Variants in TXNDC12 observed in about 807,000 individuals in gnomAD.
The protein encoded by TXNDC12 is thioredoxin domain-containing protein 12.
Under a neutral mutation model 24.2 loss-of-function variants are expected in TXNDC12, and 22 were observed. The ratio of observed to expected loss-of-function variants is 0.91; its 90% CI spans 0.65 to 1.30. The LOEUF (loss-of-function observed/expected upper bound fraction) is 1.30. TXNDC12 is among the 50% of genes most tolerant of loss of function. The pLI is 0.00. For missense variants in TXNDC12, 184 were observed against 205.8 expected, an observed-to-expected ratio of 0.89 and a Z score of 0.65; for synonymous variants, 58 against 73.4, an observed-to-expected ratio of 0.79 and a Z score of 1.07.
At chr1:52,042,043 A>C (rs1367659778) in intron 1 of TXNDC12, among the ~76,000 whole-genome samples, 1 of 152,210 alleles carries the variant, frequency 6.6e-6, no homozygotes, top group East Asian at 1.9e-4. Flanking sequence ...CTTGTGAGTG[A>C]AGTAAGCTCT....
chr1:52,040,784 A>G (rs938810913), intron 2 of TXNDC12, among the ~76,000 whole-genome samples: 8 of 152,090 alleles, frequency 5.3e-5, no homozygotes, highest in African/African-American at 1.9e-4. Context: ...TAATCCCAGC[A>G]CTTTGGGAGG....
intron 5 of TXNDC12, among the ~76,000 whole-genome samples, chr1:52,023,906 A>G (rs1411181052): frequency 2.0e-5 from 3 of 151,972 alleles, no homozygotes; most frequent in Non-Finnish European, 2.9e-5. Context: ...ATTCTGGCTT[A>G]TATCTGTCTC....
At chr1:52,049,218 G>C (rs545967540) in intron 1 of TXNDC12, among the ~76,000 whole-genome samples, 1 of 152,266 alleles carries the variant, frequency 6.6e-6, no homozygotes, top group Non-Finnish European at 1.5e-5. Context: ...TAAGTCTCCT[G>C]ACTCCTAATT....
At chr1:52,033,051 C>T in intron 2 of TXNDC12, 1 of 1,581,600 alleles carries the variant, frequency 6.3e-7, no homozygotes, top group Non-Finnish European at 8.6e-7. Context: ...GGGGCAACGG[C>T]TCCTCTAGGC....
chr1:52,022,892 G>T (rs1177112225), intron 6 of TXNDC12, among the ~76,000 whole-genome samples: 1 of 152,060 alleles, frequency 6.6e-6, no homozygotes, highest in Non-Finnish European at 1.5e-5. Flanking sequence ...TCCCGCCTCG[G>T]CCTCCCAAAG....
At chr1:52,021,621 G>A (rs114758771) in intron 6 of TXNDC12, among the ~76,000 whole-genome samples, 12 of 150,292 alleles carry the variant, frequency 8.0e-5, no homozygotes, top group African/African-American at 2.7e-4. Flanking sequence ...AAGTAGACTC[G>A]AGATGAAACT....
At chr1:52,053,175 A>G (rs941522854) in intron 1 of TXNDC12, among the ~76,000 whole-genome samples, 16 of 152,158 alleles carry the variant, frequency 1.1e-4, no homozygotes, top group African/African-American at 3.9e-4. Flanking sequence ...AGGCAGGAGA[A>G]TCATTTGAAC....
chr1:52,030,271 T>G (rs964895), intron 2 of TXNDC12: 26,998 of 151,806 alleles, frequency 0.18, 3,121 homozygotes, highest in African/African-American at 0.34. Context: ...TCACAGCACT[T>G]CACTCCAGCC....
At chr1:52,032,575 A>T (rs1685782848) in intron 2 of TXNDC12, 3 of 1,429,330 alleles carry the variant, frequency 2.1e-6, no homozygotes, top group African/African-American at 1.4e-5. Context: ...TGAGTGAATC[A>T]GTCACAACAG....
In TXNDC12 at chr1:52,020,907, C is replaced by A; in HGVS notation, c.*26G>T. On this transcript the variant is annotated 3_prime_UTR_variant, in exon 7 of 7. Coordinates refer to ENST00000371626, the MANE Select transcript of TXNDC12 (RefSeq NM_015913.4). The stretch of plus-strand genomic sequence containing the variant: ...CTGCTTTCCTTCCAGAACACTAACT[C>A]TGATGAAAGAAGGGGCACATTCATG... 6.3e-7 allele frequency: 1 copy of A among 1,583,152 alleles called. No individual in the cohort carries two copies. Among genetic ancestry groups the A allele is most frequent in the Non-Finnish European group, 8.7e-7 (1 of 1,151,800 alleles).
rs757551069 is a variant in TXNDC12 at position 52,027,368 on chromosome 1, G to A, written c.212-20C>T. 5 of 1,568,256 alleles carry A rather than the reference G, an allele frequency of 3.2e-6. No homozygotes were observed. In the South Asian group the frequency reaches 5.6e-5, roughly 18 times the overall value. On this transcript the variant is annotated intron_variant, in intron 3 of 6. Coordinates refer to ENST00000371626, the MANE Select transcript of TXNDC12 (RefSeq NM_015913.4). ...TTAGAGCTGGGGGGAAAAAGATTTT[G>A]GAATAGAAGAAAAAACATCATTGTC...
chr1:52,028,430 A>C (rs1327014279), intron 3 of TXNDC12, 148 bp downstream of exon 3: 4 of 639,476 alleles, frequency 6.3e-6, no homozygotes. Flanking sequence ...TGCAAATTTC[A>C]TGAAGGCAGG....
chr1:52,052,259 A>G (rs980185504), intron 1 of TXNDC12: 1 of 154,216 alleles, frequency 6.5e-6, no homozygotes, highest in African/African-American at 2.4e-5. Context: ...TCCTCTTTCA[A>G]CAAATATTCC....
chr1:52,041,861 A>G (rs1185347548), intron 1 of TXNDC12, among the ~76,000 whole-genome samples: 1 of 152,250 alleles, frequency 6.6e-6, no homozygotes, highest in Non-Finnish European at 1.5e-5. Flanking sequence ...ATGCTTTGTA[A>G]ACTATCACGG....
At chr1:52,036,444 G>A (rs960461286) in intron 2 of TXNDC12, among the ~76,000 whole-genome samples, 1 of 152,096 alleles carries the variant, frequency 6.6e-6, no homozygotes, top group Non-Finnish European at 1.5e-5. Flanking sequence ...TGAGTAGGCT[G>A]AGGAGGAGGA....
rs12239631 is a variant in TXNDC12 at position 52,033,890 on chromosome 1, T to A, written c.159-5260A>T. ...ACTTTTACAGACCCTCTTGTTTCTATGGAAACAGGAGTTCTACGCCAGCTA... is the reference window on the plus strand; with the variant it reads ...ACTTTTACAGACCCTCTTGTTTCTAAGGAAACAGGAGTTCTACGCCAGCTA... On this transcript the variant is annotated intron_variant, in intron 2 of 6. Transcript: ENST00000371626. 2,861 of 1,434,230 alleles carry A rather than the reference T, an allele frequency of 2.0e-3. 37 individuals are homozygous for A. In the African/African-American group the frequency reaches 0.033, roughly 17 times the overall value. 88.8% of individuals were successfully genotyped at this position (1,434,230 alleles called of 1,614,324 possible).
Position 52,041,533 on chromosome 1 carries a change from G to C in TXNDC12, c.158+4C>G. On this transcript the variant is annotated splice_donor_region_variant and intron_variant, in intron 2 of 6. Transcript: ENST00000371626. ...CATAAATGACCTAAAACCATGTCTTGTACCTGGCAGCTGCTTCTTTCTTCC... is the reference window on the plus strand; with the variant it reads ...CATAAATGACCTAAAACCATGTCTTCTACCTGGCAGCTGCTTCTTTCTTCC... The C allele has an allele frequency of 1.2e-6, 2 of 1,608,120 alleles. No individual in the cohort carries two copies. Among genetic ancestry groups the C allele is most frequent in the Non-Finnish European group, 1.7e-6 (2 of 1,175,166 alleles).
chr1:52,023,687 C>A, intron 5 of TXNDC12, 113 bp from the exon 6 acceptor site: 1 of 740,810 alleles, frequency 1.3e-6, no homozygotes, highest in Non-Finnish European at 2.3e-6. Context: ...ATATTTGCAG[C>A]CCATTACCTC....
intron 6 of TXNDC12, 69 bp downstream of exon 6, chr1:52,023,422 C>G (rs1309824873): frequency 7.8e-7 from 1 of 1,283,464 alleles, no homozygotes; most frequent in Admixed American, 1.7e-5. Flanking sequence ...TTTCCTATCA[C>G]AGACCTTGCA....
Sources: gnomAD v4.1 joint callset for allele counts (sites outside exome capture counted in the v4.1 genomes callset) on GRCh38, gnomAD v4.1.1 for gene constraint, MANE v1.5 for transcripts, NCBI Gene and HGNC (gene_info 2026-07-23, HGNC 2026-07-21) for gene names.